ITGA1: variants seen among roughly 807,000 people sequenced by gnomAD.
ITGA1 encodes the protein integrin subunit alpha 1.
In ITGA1, 85 loss-of-function variants were observed where a neutral mutation model predicts 145.9. That is an observed-to-expected ratio of 0.58 (90% CI 0.49 to 0.70). The LOEUF is 0.70. Ranked by LOEUF, ITGA1 falls within the 30% of genes least tolerant of loss-of-function variation. The pLI is 0.00. For synonymous variants in ITGA1, 520 were observed against 495.3 expected (o/e 1.05, Z -0.66); for missense variants, 1,351 against 1,418.7 (o/e 0.95, Z 0.77).
At chr5:52,910,961 C>G (rs7378552) in intron 14 of ITGA1, among the ~76,000 whole-genome samples, 29,672 of 130,914 alleles carry the variant, frequency 0.23, 3,647 homozygotes, top group South Asian at 0.35. Context: ...AGTATATACA[C>G]TATATATACT....
chr5:52,865,098 A>G lies in ITGA1; in HGVS notation c.496+16A>G. 1 of 1,560,840 alleles carries G rather than the reference A, an allele frequency of 6.4e-7. No individual in the cohort carries two copies. Among genetic ancestry groups the G allele is most frequent in the South Asian group, 1.1e-5 (1 of 88,790 alleles). On this transcript the variant is annotated intron_variant, in intron 5 of 28. Transcript: ENST00000282588. ...CCTGTACAAGGTACAGATTTTATGC[A>G]ATGTTCTTGCATGTTTGAAAAGCCT...
chr5:52,948,100 T>C (rs987705981), intron 28 of ITGA1, among the ~76,000 whole-genome samples: 1 of 152,180 alleles, frequency 6.6e-6, no homozygotes, highest in African/African-American at 2.4e-5. Flanking sequence ...TAACTCTGGA[T>C]ATTTATGTAA....
At chr5:52,828,937 C>T (rs150302697) in intron 1 of ITGA1, among the ~76,000 whole-genome samples, 2 of 152,240 alleles carry the variant, frequency 1.3e-5, no homozygotes, top group African/African-American at 4.8e-5. Flanking sequence ...TTCTTTCTCC[C>T]TCATGTTTCT....
intron 6 of ITGA1, among the ~76,000 whole-genome samples, chr5:52,881,406 C>G (rs767299778): frequency 1.3e-5 from 2 of 152,194 alleles, no homozygotes; most frequent in African/African-American, 2.4e-5. Context: ...TTCTGAGAAG[C>G]CTTCCCTGGA....
At chr5:52,881,066 A>G (rs562881806) in intron 6 of ITGA1, among the ~76,000 whole-genome samples, 1 of 152,294 alleles carries the variant, frequency 6.6e-6, no homozygotes, top group East Asian at 1.9e-4. Flanking sequence ...CTGTGGACTA[A>G]AGGGAATGAA....
At chr5:52,790,160 C>T (rs1249447620) in intron 1 of ITGA1, among the ~76,000 whole-genome samples, 1 of 152,182 alleles carries the variant, frequency 6.6e-6, no homozygotes, top group African/African-American at 2.4e-5. Flanking sequence ...TCCATGCACA[C>T]TACTGTAGAG....
intron 7 of ITGA1, among the ~76,000 whole-genome samples, chr5:52,886,810 G>C (rs921303334): frequency 6.6e-6 from 1 of 152,088 alleles, no homozygotes; most frequent in Non-Finnish European, 1.5e-5. Flanking sequence ...AAGGTGTCTC[G>C]CTCTGTCGCC....
At chr5:52,857,858 A>G (rs2111765530) in intron 2 of ITGA1, among the ~76,000 whole-genome samples, 1 of 152,104 alleles carries the variant, frequency 6.6e-6, no homozygotes, top group Admixed American at 6.5e-5. Flanking sequence ...TACAGAAGTA[A>G]CTCATTATCA....
chr5:52,933,197 TA>T (rs1013638646), intron 22 of ITGA1: 21 of 152,088 alleles, frequency 1.4e-4, no homozygotes, highest in African/African-American at 4.6e-4. Context: ...CTCTCTTTAC[TA>T]AATGGAGACT....
At chr5:52,872,499 T>C (rs761932890) in intron 6 of ITGA1, among the ~76,000 whole-genome samples, 6 of 151,222 alleles carry the variant, frequency 4.0e-5, no homozygotes, top group African/African-American at 7.3e-5. Flanking sequence ...AGCTCTCTAG[T>C]GGACTAACTG....
At chr5:52,947,700 C>T (rs1350933345) in intron 28 of ITGA1, among the ~76,000 whole-genome samples, 2 of 152,092 alleles carry the variant, frequency 1.3e-5, no homozygotes, top group Non-Finnish European at 2.9e-5. Flanking sequence ...CAAAAATTCA[C>T]AAAAGTATCT....
chr5:52,949,315 A>C (rs1429972644), intron 28 of ITGA1, among the ~76,000 whole-genome samples: 1 of 152,202 alleles, frequency 6.6e-6, no homozygotes, highest in East Asian at 1.9e-4. Context: ...TGAAGAACAT[A>C]AAATTTAAGT....
rs1339159787 is a variant in ITGA1 at position 52,955,463 on chromosome 5, T to A, written c.*3012T>A. 1 of 152,186 alleles carries A rather than the reference T, an allele frequency of 6.6e-6. No homozygotes were observed. Among genetic ancestry groups the A allele is most frequent in the Non-Finnish European group, 1.5e-5 (1 of 68,032 alleles). The allele number at this position is 152,186 out of a possible 1,614,324, so 9.4% of individuals were successfully genotyped here. ...CACAGTATAATCATGTTTTAAATTA[T>A]GCCAAAAGTACTGATTATATCAAGC... On this transcript the variant is annotated 3_prime_UTR_variant, in exon 29 of 29. Transcript: ENST00000282588.
intron 2 of ITGA1, among the ~76,000 whole-genome samples, chr5:52,851,579 T>C (rs1749432689): frequency 1.3e-5 from 2 of 152,162 alleles, no homozygotes; most frequent in Admixed American, 1.3e-4. Context: ...CCAACACTGG[T>C]TAAGGAACAA....
chr5:52,838,477 A>G (rs1749198748), intron 1 of ITGA1, among the ~76,000 whole-genome samples: 1 of 152,152 alleles, frequency 6.6e-6, no homozygotes, highest in Non-Finnish European at 1.5e-5. Context: ...TAATTTATTA[A>G]TGTTAATGAT....
At chr5:52,849,589 AT>A in intron 2 of ITGA1, 104 bp downstream of exon 2, 1 of 1,054,642 alleles carries the variant, frequency 9.5e-7, no homozygotes, top group Non-Finnish European at 1.3e-6. Context: ...AACAGAATGA[AT>A]TATTTATGGT....
intron 1 of ITGA1, among the ~76,000 whole-genome samples, chr5:52,791,196 A>C (rs1030003783): frequency 1.1e-4 from 16 of 152,240 alleles, no homozygotes; most frequent in African/African-American, 3.4e-4. Context: ...TCACATATAA[A>C]GGATTTAACT....
intron 26 of ITGA1, among the ~76,000 whole-genome samples, chr5:52,942,514 G>C (rs990241600): frequency 1.3e-5 from 2 of 148,160 alleles, no homozygotes; most frequent in African/African-American, 5.0e-5. Flanking sequence ...AGTGTTTTTT[G>C]TAGCTTCTGT....
intron 12 of ITGA1, among the ~76,000 whole-genome samples, chr5:52,907,519 T>C (rs78579087): frequency 6.6e-6 from 1 of 152,212 alleles, no homozygotes; most frequent in African/African-American, 2.4e-5. Flanking sequence ...AAATCGTGAA[T>C]GATTTCAGTT....
Sources: gnomAD v4.1 joint callset for allele counts (sites outside exome capture counted in the v4.1 genomes callset) on GRCh38, gnomAD v4.1.1 for gene constraint, MANE v1.5 for transcripts, NCBI Gene and HGNC (gene_info 2026-07-23, HGNC 2026-07-21) for gene names.